ALDH1A2: variants seen among roughly 807,000 people sequenced by gnomAD.
The protein encoded by ALDH1A2 is aldehyde dehydrogenase 1 family member A2, also known as retinal dehydrogenase 2.
Under a neutral mutation model 60.3 loss-of-function variants are expected in ALDH1A2, and 27 were observed. The ratio of observed to expected loss-of-function variants is 0.45; its 90% CI spans 0.33 to 0.62. The LOEUF is 0.62. Among genes scored for constraint, ALDH1A2 ranks in the 20% least tolerant of loss-of-function variants. The probability of loss-of-function intolerance (pLI) is 0.02; values close to 1 mark genes in which losing one functional copy is unlikely to be tolerated. For synonymous variants in ALDH1A2, 289 were observed against 232.4 expected (o/e 1.24, Z -2.21); for missense variants, 581 against 643.8 (o/e 0.90, Z 1.06).
chr15:57,982,527 T>C (rs1473352956), intron 7 of ALDH1A2, among the ~76,000 whole-genome samples: 1 of 152,148 alleles, frequency 6.6e-6, no homozygotes, highest in Non-Finnish European at 1.5e-5. Flanking sequence ...AGACTCTAAG[T>C]AAAGGATGAA....
chr15:58,064,893 G>A (rs960622171), intron 1 of ALDH1A2, among the ~76,000 whole-genome samples: 3 of 151,686 alleles, frequency 2.0e-5, no homozygotes, highest in Non-Finnish European at 4.4e-5. Context: ...GTTCAAAACC[G>A]AACATGCTAA....
chr15:58,043,479 G>T (rs547920689), intron 1 of ALDH1A2, among the ~76,000 whole-genome samples: 1 of 152,122 alleles, frequency 6.6e-6, no homozygotes, highest in Non-Finnish European at 1.5e-5. Context: ...CTTCTCTAAA[G>T]AGTGTATGTT....
At chr15:58,057,328 ATG>A (rs1203621943) in intron 1 of ALDH1A2, among the ~76,000 whole-genome samples, 1 of 145,594 alleles carries the variant, frequency 6.9e-6, no homozygotes, top group African/African-American at 2.5e-5. Context: ...ATATATATAT[ATG>A]GTACATATAT....
rs997844746 is a variant in ALDH1A2, at chr15:57,975,153, G to C, written c.799-9326C>G. On this transcript the variant is annotated intron_variant, in intron 7 of 12. Transcript: ENST00000249750. ...GTATAACCGATTTGGAAAACAGTTT[G>C]GCAGTTTCCTGCCCTACCACACAAT... is the stretch of plus-strand genomic sequence containing the variant. 2.6e-5 allele frequency among the ~76,000 whole-genome samples: 4 copies of C among 152,196 alleles called. No individual in the cohort carries two copies. In the East Asian group the frequency reaches 5.8e-4, roughly 22 times the overall value.
chr15:57,980,125 T>C, intron 7 of ALDH1A2: 1 of 293,690 alleles, frequency 3.4e-6, no homozygotes, highest in Non-Finnish European at 7.1e-6. Context: ...GGCTGGTACA[T>C]TTGTTGGTGC....
At chr15:58,045,297 G>T (rs1473818359) in intron 1 of ALDH1A2, among the ~76,000 whole-genome samples, 2 of 152,020 alleles carry the variant, frequency 1.3e-5, no homozygotes, top group African/African-American at 4.8e-5. Context: ...CTGTTGGTTG[G>T]AGTGTAAATT....
intron 9 of ALDH1A2, among the ~76,000 whole-genome samples, chr15:57,963,132 C>T (rs1433458618): frequency 1.3e-5 from 2 of 152,122 alleles, no homozygotes; most frequent in African/African-American, 4.8e-5. Flanking sequence ...CTGGTTCAGG[C>T]TGCTGGAGAG....
At chr15:58,031,229 A>G (rs545622390) in intron 1 of ALDH1A2, among the ~76,000 whole-genome samples, 191 of 152,286 alleles carry the variant, frequency 1.3e-3, no homozygotes, top group African/African-American at 4.5e-3. Context: ...CAACCATCTG[A>G]TCTTTGACAA....
At chr15:58,001,836 G>C (rs1895284683) in intron 4 of ALDH1A2, among the ~76,000 whole-genome samples, 1 of 151,818 alleles carries the variant, frequency 6.6e-6, no homozygotes, top group Non-Finnish European at 1.5e-5. Flanking sequence ...CTCAGACTTA[G>C]CATAAAAAAG....
At position 57,986,193 on chromosome 15, in the gene ALDH1A2, T is replaced by C. The variant is rs536368058; in HGVS notation, c.798+6512A>G. On this transcript the variant is annotated intron_variant, in intron 7 of 12. Coordinates refer to ENST00000249750, the MANE Select transcript of ALDH1A2 (RefSeq NM_003888.4). ...AATTGTTTTATTCAAACATTGGATA[T>C]CAGGCAGTATGGGACTATGAATCTA... is the stretch of plus-strand genomic sequence containing the variant. Among the ~76,000 whole-genome samples, 58 of 152,308 alleles carry C rather than the reference T, an allele frequency of 3.8e-4. No individual in the cohort carries two copies. In the South Asian group the frequency reaches 6.6e-3, roughly 17 times the overall value.
At chr15:58,019,808 C>T (rs1183141879) in intron 1 of ALDH1A2, among the ~76,000 whole-genome samples, 2 of 152,096 alleles carry the variant, frequency 1.3e-5, no homozygotes, top group East Asian at 1.9e-4. Context: ...GAATCACTTT[C>T]TTTTTTATTA....
At chr15:58,012,802 A>G (rs1455806075) in intron 3 of ALDH1A2, among the ~76,000 whole-genome samples, 2 of 152,158 alleles carry the variant, frequency 1.3e-5, no homozygotes, top group African/African-American at 2.4e-5. Context: ...AAGGGAAAAA[A>G]TGATTCCTTC....
chr15:58,022,620 A>C (rs369812382), intron 1 of ALDH1A2, among the ~76,000 whole-genome samples: 20 of 152,204 alleles, frequency 1.3e-4, no homozygotes, highest in African/African-American at 4.1e-4. Flanking sequence ...AGGCACACTC[A>C]ACCCACCACT....
At chr15:57,978,269 C>A (rs1298975358) in intron 7 of ALDH1A2, among the ~76,000 whole-genome samples, 1 of 152,108 alleles carries the variant, frequency 6.6e-6, no homozygotes, top group African/African-American at 2.4e-5. Flanking sequence ...TTTTCTTGTG[C>A]CAGTTTTCAA....
intron 3 of ALDH1A2, among the ~76,000 whole-genome samples, chr15:58,011,469 G>A (rs1161503856): frequency 5.3e-5 from 8 of 152,114 alleles, no homozygotes; most frequent in Admixed American, 1.3e-4. Context: ...GGCTAAGTCC[G>A]TAACAAAAAC....
At chr15:58,058,067 T>A in intron 1 of ALDH1A2, 1 of 1,534,234 alleles carries the variant, frequency 6.5e-7, no homozygotes, top group Non-Finnish European at 8.7e-7. Flanking sequence ...ATTCTTCATC[T>A]TCTCCCAAAA....
chr15:58,046,244 T>G (rs1476071002), intron 1 of ALDH1A2, among the ~76,000 whole-genome samples: 1 of 152,030 alleles, frequency 6.6e-6, no homozygotes, highest in Non-Finnish European at 1.5e-5. Context: ...GATCATAAAG[T>G]TTGGCTTTTT....
At chr15:57,961,561 G>A (rs1893720278) in intron 10 of ALDH1A2, among the ~76,000 whole-genome samples, 1 of 152,164 alleles carries the variant, frequency 6.6e-6, no homozygotes, top group South Asian at 2.1e-4. Flanking sequence ...AGGTACAGAA[G>A]AGCAAGTGGC....
chr15:58,026,877 C>A (rs552240504), intron 1 of ALDH1A2, among the ~76,000 whole-genome samples: 2 of 152,220 alleles, frequency 1.3e-5, no homozygotes, highest in East Asian at 3.9e-4. Flanking sequence ...GAAGATTGAA[C>A]TGGGTGGAGC....
Sources: allele counts gnomAD v4.1 joint callset (sites outside exome capture counted in the v4.1 genomes callset), GRCh38; gene constraint gnomAD v4.1.1; transcripts MANE v1.5; gene names NCBI Gene and HGNC (gene_info 2026-07-23, HGNC 2026-07-21).